The following SGCZ variants were observed in gnomAD, a reference collection of about 807,000 sequenced individuals.
SGCZ encodes sarcoglycan zeta, also known as zeta-sarcoglycan.
Under a neutral mutation model 41.3 loss-of-function variants are expected in SGCZ, and 40 were observed. The observed-to-expected ratio is 0.97, with a 90% confidence interval of 0.75 to 1.26. The LOEUF (loss-of-function observed/expected upper bound fraction) is 1.26. SGCZ is among the 50% of genes most tolerant of loss of function. The probability of loss-of-function intolerance (pLI) is 0.00; values close to 1 mark genes in which losing one functional copy is unlikely to be tolerated. For synonymous variants in SGCZ, 206 were observed against 137.5 expected (o/e 1.50, Z -3.49); for missense variants, 552 against 369.8 (o/e 1.49, Z -4.04).
chr8:14,880,729 C>T (rs1182053625), intron 1 of SGCZ, among the ~76,000 whole-genome samples: 1 of 152,046 alleles, frequency 6.6e-6, no homozygotes, highest in African/African-American at 2.4e-5. Context: ...AACATGTTCT[C>T]ACTCATAGGT....
chr8:14,456,430 T>A (rs1800747472), intron 2 of SGCZ, among the ~76,000 whole-genome samples: 1 of 151,912 alleles, frequency 6.6e-6, no homozygotes, highest in Admixed American at 6.6e-5. Context: ...AATAAATAAA[T>A]AGAATTTGCA....
At position 15,126,108 on chromosome 8, in the gene SGCZ, C is replaced by T. The variant is rs145287001; in HGVS notation, c.39+111477G>A. Among the ~76,000 whole-genome samples, 6 of 152,258 alleles carry T rather than the reference C, an allele frequency of 3.9e-5. 1 individual carries two copies. In the East Asian group the frequency reaches 5.8e-4, roughly 15 times the overall value. Reference sequence around the variant, plus strand: ...CTGCAGTGAGCCAAGATCGTGTCATCGCATTCCAGCCTGGGCAACAGAGGG... The same window carrying T: ...CTGCAGTGAGCCAAGATCGTGTCATTGCATTCCAGCCTGGGCAACAGAGGG... On this transcript the variant is annotated intron_variant, in intron 1 of 7. Coordinates refer to ENST00000382080, the MANE Select transcript of SGCZ (RefSeq NM_139167.4).
chr8:14,810,626 G>T (rs1801710117), intron 1 of SGCZ, among the ~76,000 whole-genome samples: 1 of 151,940 alleles, frequency 6.6e-6, no homozygotes, highest in Admixed American at 6.6e-5. Context: ...TCAGTTCATT[G>T]GATATTGCAC....
intron 1 of SGCZ, among the ~76,000 whole-genome samples, chr8:15,163,670 A>G (rs1799576086): frequency 6.6e-6 from 1 of 152,208 alleles, no homozygotes; most frequent in Non-Finnish European, 1.5e-5. Flanking sequence ...TTTGGTTACA[A>G]TTACTTTTTA....
At chr8:14,299,042 G>A (rs542356648) in intron 3 of SGCZ, among the ~76,000 whole-genome samples, 57 of 152,074 alleles carry the variant, frequency 3.7e-4, no homozygotes, top group Non-Finnish European at 7.2e-4. Flanking sequence ...ACCCCAACTT[G>A]TAACAAAAAC....
intron 4 of SGCZ, among the ~76,000 whole-genome samples, chr8:14,193,970 A>G (rs1384342402): frequency 6.6e-6 from 1 of 151,880 alleles, no homozygotes; most frequent in Non-Finnish European, 1.5e-5. Context: ...GGATAGCTAC[A>G]TAACATAACT....
intron 1 of SGCZ, among the ~76,000 whole-genome samples, chr8:15,005,718 T>A (rs1337213486): frequency 6.6e-6 from 1 of 152,018 alleles, no homozygotes; most frequent in Non-Finnish European, 1.5e-5. Context: ...TAATTTAAAG[T>A]CTTCATAAGA....
intron 1 of SGCZ, among the ~76,000 whole-genome samples, chr8:14,581,516 A>T (rs1489387949): frequency 1.3e-5 from 2 of 151,940 alleles, no homozygotes; most frequent in African/African-American, 4.8e-5. Flanking sequence ...AGTCTAAATG[A>T]AGAATAACCT....
intron 2 of SGCZ, among the ~76,000 whole-genome samples, chr8:14,540,514 C>A (rs2117149647): frequency 6.6e-6 from 1 of 151,710 alleles, no homozygotes; most frequent in South Asian, 2.1e-4. Context: ...AACCCTTCCA[C>A]TGATTCCCAG....
At chr8:14,598,788 C>T (rs1805495841) in intron 1 of SGCZ, among the ~76,000 whole-genome samples, 1 of 151,958 alleles carries the variant, frequency 6.6e-6, no homozygotes, top group Non-Finnish European at 1.5e-5. Context: ...CTTGGCCTCC[C>T]AACATGCTGA....
At chr8:14,857,094 A>G (rs1189164043) in intron 1 of SGCZ, among the ~76,000 whole-genome samples, 3 of 152,240 alleles carry the variant, frequency 2.0e-5, no homozygotes, top group East Asian at 1.9e-4. Flanking sequence ...GTGAGTTCCC[A>G]TAAGATCTGG....
At chr8:14,239,037 T>C (rs1377540405) in intron 3 of SGCZ, among the ~76,000 whole-genome samples, 1 of 151,880 alleles carries the variant, frequency 6.6e-6, no homozygotes, top group Non-Finnish European at 1.5e-5. Flanking sequence ...GTCTAGTTTT[T>C]TTTTCCATAG....
At chr8:14,327,837 G>T (rs981401473) in intron 2 of SGCZ, among the ~76,000 whole-genome samples, 1 of 152,152 alleles carries the variant, frequency 6.6e-6, no homozygotes, top group Non-Finnish European at 1.5e-5. Flanking sequence ...CTGGAGTGCA[G>T]CGGCGCAATC....
At chr8:14,528,840 AAACAAAAAC>A (rs1803036978) in intron 2 of SGCZ, among the ~76,000 whole-genome samples, 1 of 150,648 alleles carries the variant, frequency 6.6e-6, no homozygotes, top group African/African-American at 2.5e-5. Context: ...AAAAAAAACA[AAACAAAAAC>A]AAAAAAAGAG....
chr8:14,797,402 C>T (rs1801170473), intron 1 of SGCZ, among the ~76,000 whole-genome samples: 1 of 152,226 alleles, frequency 6.6e-6, no homozygotes, highest in African/African-American at 2.4e-5. Context: ...TGTTCTGCTT[C>T]AGCAAAGAGA....
At chr8:14,438,972 A>G (rs970477256) in intron 2 of SGCZ, among the ~76,000 whole-genome samples, 2 of 151,948 alleles carry the variant, frequency 1.3e-5, no homozygotes, top group Non-Finnish European at 2.9e-5. Flanking sequence ...AATTTTTGTA[A>G]ATCTTTGAAG....
intron 3 of SGCZ, among the ~76,000 whole-genome samples, chr8:14,241,455 TATA>T (rs1412632824): frequency 6.7e-6 from 1 of 148,298 alleles, no homozygotes; most frequent in Non-Finnish European, 1.5e-5. Context: ...ATAAACAATA[TATA>T]ATAATATATA....
intron 1 of SGCZ, among the ~76,000 whole-genome samples, chr8:15,185,594 G>C (rs183949692): frequency 1.3e-5 from 2 of 152,224 alleles, no homozygotes; most frequent in African/African-American, 4.8e-5. Flanking sequence ...GGGCAAATGA[G>C]AAGAAAACAG....
At chr8:14,232,026 G>A (rs1441701549) in intron 4 of SGCZ, among the ~76,000 whole-genome samples, 1 of 151,844 alleles carries the variant, frequency 6.6e-6, no homozygotes, top group African/African-American at 2.4e-5. Flanking sequence ...CAACATGGAT[G>A]CTATTATTAA....
Sources: gnomAD v4.1 joint callset for allele counts (sites outside exome capture counted in the v4.1 genomes callset) on GRCh38, gnomAD v4.1.1 for gene constraint, MANE v1.5 for transcripts, NCBI Gene and HGNC (gene_info 2026-07-23, HGNC 2026-07-21) for gene names.